MEGF8: variants seen among roughly 807,000 people sequenced by gnomAD.
MEGF8 encodes the protein multiple EGF like domains 8.
Under a neutral mutation model 302.9 loss-of-function variants are expected in MEGF8, and 156 were observed. The ratio of observed to expected loss-of-function variants is 0.52; its 90% CI spans 0.45 to 0.59. The LOEUF is 0.59. MEGF8 is among the 20% of genes least tolerant of loss of function. The probability of loss-of-function intolerance (pLI) is 0.00; values close to 1 mark genes in which losing one functional copy is unlikely to be tolerated. For missense variants in MEGF8, 3,345 were observed against 3,964.5 expected (o/e 0.84, Z 4.20); for synonymous variants, 1,621 against 1,660.5 (o/e 0.98, Z 0.58).
At position 42,354,671 on chromosome 19, in the gene MEGF8, C is replaced by T; in HGVS notation, c.4095C>T (p.Ala1365=). 1 of 1,611,688 alleles carries T rather than the reference C, an allele frequency of 6.2e-7. No individual in the cohort carries two copies. Residue 1365 remains alanine (A), a synonymous_variant, in exon 23 of 42, where the codon GCC becomes GCT. Transcript: ENST00000251268. This position sits in a 1 kb window ranked among gnomAD's most constrained non-coding sequence, Gnocchi z 4.3. ...VVQSDRSLIA[A]FCGQRRDRPL... ...AGTCGGACCGCAGCCTCATAGCTGC[C>T]TTCTGCGGCCAGCGACGGGACAGGC...
Position 42,370,749 on chromosome 19 carries a change from G to A in MEGF8, c.7054G>A (p.Val2352Met), listed in dbSNP as rs112167630. The stretch of plus-strand genomic sequence containing the variant: ...TCCTAGTGAAGACGAGGCCGTGTGC[G>A]TGAACTGCCAGAATAACAGCTATGG... ...EGPSEDEAVC[V>M]NCQNNSYGEK... Residue 2352 changes from valine (V) to methionine (M), a missense_variant, in exon 40 of 42, where the codon GTG becomes ATG. Coordinates refer to ENST00000251268, the MANE Select transcript of MEGF8 (RefSeq NM_001271938.2). 0.023 allele frequency: 36,103 copies of A among 1,581,696 alleles called. 500 individuals carry two copies. The highest frequency in any genetic ancestry group is 0.027 in the Non-Finnish European group (30,927 of 1,163,824).
Position 42,369,457 on chromosome 19 carries a change from AGTTG to A in MEGF8, c.6642-68_6642-65del, listed in dbSNP as rs1329562611. The A allele has an allele frequency of 2.1e-6, 3 of 1,443,842 alleles. No homozygotes were observed. Among genetic ancestry groups the A allele is most frequent in the Non-Finnish European group, 2.8e-6 (3 of 1,059,016 alleles). 89.4% of individuals were successfully genotyped at this position (1,443,842 alleles called of 1,614,324 possible). A position where few individuals can be genotyped will look rare whatever the true frequency, so the allele number is the denominator to read the frequency against. The stretch of plus-strand genomic sequence containing the variant: ...CAACCAGTTGAGAAGAGGGTGGGGT[AGTTG>A]GTTGGGTGCTAGGCCATGAAGCCAC... On this transcript the variant is annotated intron_variant, in intron 37 of 41. Transcript: ENST00000251268. The surrounding 1 kb of genome is among the most constrained non-coding windows in gnomAD (Gnocchi z 5.7).
rs1470564735 is a variant in MEGF8 at position 42,370,740 on chromosome 19, G to A, written c.7045G>A (p.Ala2349Thr). The A allele has an allele frequency of 1.3e-6, 2 of 1,587,438 alleles. No homozygotes were observed. The highest frequency in any genetic ancestry group is 8.6e-7 in the Non-Finnish European group (1 of 1,167,062). ...WVTEGPSEDE[A>T]VCVNCQNNSY... is the part of the protein sequence containing the mutation. ...GACAGAGGGTCCTAGTGAAGACGAG[G>A]CCGTGTGCGTGAACTGCCAGAATAA... The change falls in exon 40 of 42, where the codon GCC (alanine) becomes ACC (threonine). Residue 2349 changes from alanine to threonine, a missense_variant. Physicochemically the swap from Ala to Thr is moderately conservative, Grantham distance 58 (BLOSUM62 0). Transcript: ENST00000251268.
chr19:42,358,825 T>C lies in MEGF8; in HGVS notation c.5214T>C (p.Gly1738=). The change falls in exon 30 of 42, where the codon GGT becomes GGC. Residue 1738 remains glycine (G), a synonymous_variant. Transcript: ENST00000251268. This position sits in a 1 kb window ranked among gnomAD's most constrained non-coding sequence, Gnocchi z 4.4. ...RMRNVRGSSR[G]LGQVPGEQPG... ...GGAATGTGCGTGGCTCATCTCGGGG[T>C]CTGGGCCAAGTTCCTGGGGAGCAGC... is the stretch of plus-strand genomic sequence containing the variant. The C allele has an allele frequency of 6.3e-7, 1 of 1,589,004 alleles. No individual in the cohort carries two copies. Among genetic ancestry groups the C allele is most frequent in the Non-Finnish European group, 8.6e-7 (1 of 1,169,472 alleles).
Position 42,326,205 on chromosome 19 carries a change from G to A in MEGF8, c.-39G>A, listed in dbSNP as rs2038981202. On this transcript the variant is annotated 5_prime_UTR_variant, in exon 1 of 42. Coordinates refer to ENST00000251268, the MANE Select transcript of MEGF8 (RefSeq NM_001271938.2). Reference sequence around the variant, plus strand: ...TAGAGGGTCCTCTCCAGGTTTTTACGGCCTGTCCCCGCTCTAAGGGTCAGT... The same window carrying A: ...TAGAGGGTCCTCTCCAGGTTTTTACAGCCTGTCCCCGCTCTAAGGGTCAGT... 6.8e-7 allele frequency: 1 copy of A among 1,463,070 alleles called. No individual in the cohort carries two copies. The highest frequency in any genetic ancestry group is 2.9e-5 in the Admixed American group (1 of 34,046). 90.6% of individuals were successfully genotyped at this position (1,463,070 alleles called of 1,614,324 possible). A position where few individuals can be genotyped will look rare whatever the true frequency, so the allele number is the denominator to read the frequency against.
Position 42,352,560 on chromosome 19 carries a change from G to A in MEGF8, c.3350+104G>A. On this transcript the variant is annotated intron_variant, in intron 19 of 41. Transcript: ENST00000251268. The surrounding 1 kb of genome is among the most constrained non-coding windows in gnomAD (Gnocchi z 4.4). ...CGCTGGGTCCCCTCCTGTGGAACCAGCATCCCCAGTTAGCCAGGGGTTTTT... is the reference window on the plus strand; with the variant it reads ...CGCTGGGTCCCCTCCTGTGGAACCAACATCCCCAGTTAGCCAGGGGTTTTT... 1 of 1,406,000 alleles carries A rather than the reference G, an allele frequency of 7.1e-7. No homozygotes were observed. The allele number at this position is 1,406,000 out of a possible 1,614,324, so 87.1% of individuals were successfully genotyped here. A position where few individuals can be genotyped will look rare whatever the true frequency, so the allele number is the denominator to read the frequency against.
In MEGF8 at chr19:42,356,010, A is replaced by G. The variant is rs756018816; in HGVS notation, c.4392+5A>G. Reference sequence around the variant, plus strand: ...GGGGCAGGAACTTGTAACCAGGTACAGGTGGGAGAGGGCAAGTCTGGTGGG... The same window carrying G: ...GGGGCAGGAACTTGTAACCAGGTACGGGTGGGAGAGGGCAAGTCTGGTGGG... On this transcript the variant is annotated splice_donor_5th_base_variant and intron_variant, in intron 24 of 41. Coordinates refer to ENST00000251268, the MANE Select transcript of MEGF8 (RefSeq NM_001271938.2). This position sits in a 1 kb window ranked among gnomAD's most constrained non-coding sequence, Gnocchi z 5.2. 2 of 1,609,420 alleles carry G rather than the reference A, an allele frequency of 1.2e-6. No individual in the cohort carries two copies. The highest frequency in any genetic ancestry group is 2.2e-5 in the East Asian group (1 of 44,740).
intron 32 of MEGF8, 103 bp downstream of exon 32, chr19:42,361,109 T>A: frequency 8.0e-7 from 1 of 1,251,866 alleles, no homozygotes. Flanking sequence ...TACCGTCTGG[T>A]TCAGGAAAGG....
Position 42,344,947 on chromosome 19 carries a change from A to G in MEGF8, c.2097+114A>G, listed in dbSNP as rs1374353151. 7.9e-6 allele frequency: 9 copies of G among 1,140,080 alleles called. No individual in the cohort carries two copies. Among genetic ancestry groups the G allele is most frequent in the African/African-American group, 1.6e-5 (1 of 62,584 alleles). 70.6% of individuals were successfully genotyped at this position (1,140,080 alleles called of 1,614,324 possible). Reference sequence around the variant, plus strand: ...GTTTACTCCAAAACTCTTTACATTCAAGGGTCTTATTTTCCTTATGGACTT... The same window carrying G: ...GTTTACTCCAAAACTCTTTACATTCGAGGGTCTTATTTTCCTTATGGACTT... On this transcript the variant is annotated intron_variant, in intron 12 of 41. Transcript: ENST00000251268. The surrounding 1 kb of genome is among the most constrained non-coding windows in gnomAD (Gnocchi z 4.5).
Position 42,362,232 on chromosome 19 carries a change from A to AG in MEGF8, c.5844+22dup. 1 of 1,609,978 alleles carries AG rather than the reference A, an allele frequency of 6.2e-7. No individual in the cohort carries two copies. The highest frequency in any genetic ancestry group is 8.5e-7 in the Non-Finnish European group (1 of 1,179,270). ...TGGAGAGGTGAGTGGTGGGGAAGGCAGGGATGAGAAGCAGCAGGTGTAGGG... is the reference window on the plus strand; with the variant it reads ...TGGAGAGGTGAGTGGTGGGGAAGGCAGGGGATGAGAAGCAGCAGGTGTAGGG... On this transcript the variant is annotated intron_variant, in intron 33 of 41. Transcript: ENST00000251268.
At position 42,352,144 on chromosome 19, in the gene MEGF8, T is replaced by C; in HGVS notation, c.3102-64T>C. ...CAATTGGCCTCCTCTCTCCCTGTCA[T>C]TGTTTCTATGTATGGCTCCTGTTTC... On this transcript the variant is annotated intron_variant, in intron 18 of 41. Coordinates refer to ENST00000251268, the MANE Select transcript of MEGF8 (RefSeq NM_001271938.2). This position sits in a 1 kb window ranked among gnomAD's most constrained non-coding sequence, Gnocchi z 4.4. 6.9e-7 allele frequency: 1 copy of C among 1,454,074 alleles called. No individual in the cohort carries two copies. Among genetic ancestry groups the C allele is most frequent in the East Asian group, 2.4e-5 (1 of 40,870 alleles). The allele number at this position is 1,454,074 out of a possible 1,614,324, so 90.1% of individuals were successfully genotyped here.
At position 42,353,977 on chromosome 19, in the gene MEGF8, C is replaced by T. The variant is rs767867271; in HGVS notation, c.3964C>T (p.Pro1322Ser). Residue 1322 changes from proline to serine, a missense_variant, in exon 22 of 42, where the codon CCC becomes TCC. Coordinates refer to ENST00000251268, the MANE Select transcript of MEGF8 (RefSeq NM_001271938.2). The surrounding 1 kb of genome is among the most constrained non-coding windows in gnomAD (Gnocchi z 6.1). ...GCCCTGTGCTCCCGGGACCCTCTGT[C>T]CCCCACTCACCCTCACCTTCTCCCC... The part of the protein sequence containing the change: ...LQPCAPGTLC[P>S]PLTLTFSPDS... 39 of 1,581,638 alleles carry T rather than the reference C, an allele frequency of 2.5e-5. No homozygotes were observed. The South Asian group carries it at 3.0e-4, about 12-fold the overall frequency.
Position 42,363,088 on chromosome 19 carries a change from C to T in MEGF8, c.6099C>T (p.Asp2033=). ...RRILSVQPTY[D]WTCFSHSLLN... The stretch of plus-strand genomic sequence containing the variant: ...TCCTCTCCGTGCAGCCCACCTATGA[C>T]TGGACGTGCTTCAGCCACTCTCTGC... The change falls in exon 35 of 42, where the codon GAC becomes GAT. Residue 2033 remains aspartate, a synonymous_variant. Coordinates refer to ENST00000251268, the MANE Select transcript of MEGF8 (RefSeq NM_001271938.2). 6.2e-7 allele frequency: 1 copy of T among 1,613,430 alleles called. No homozygotes were observed. The highest frequency in any genetic ancestry group is 8.5e-7 in the Non-Finnish European group (1 of 1,179,666).
In MEGF8 at chr19:42,358,715, G is replaced by A. The variant is rs1025299010; in HGVS notation, c.5176-72G>A. ...TTTCAGTCCACACGTTTCCAAGCCC[G>A]TCTTGGAGGCAGGGGGCTAGAAGCA... On this transcript the variant is annotated intron_variant, in intron 29 of 41. Transcript: ENST00000251268. The surrounding 1 kb of genome is among the most constrained non-coding windows in gnomAD (Gnocchi z 4.4). The A allele has an allele frequency of 1.0e-5, 15 of 1,451,868 alleles. No individual in the cohort carries two copies. Among genetic ancestry groups the A allele is most frequent in the African/African-American group, 7.2e-5 (5 of 69,670 alleles). 89.9% of individuals were successfully genotyped at this position (1,451,868 alleles called of 1,614,324 possible).
chr19:42,335,013 C>G, intron 3 of MEGF8, 22 bp from the exon 4 acceptor site: 1 of 1,593,974 alleles, frequency 6.3e-7, no homozygotes, highest in African/African-American at 1.4e-5. Context: ...TTATCTCTGC[C>G]TTTATGTCTC....
rs751175990 is a variant in MEGF8 at position 42,334,910 on chromosome 19, CTCTT to C, written c.559-121_559-118del. Reference sequence around the variant, plus strand: ...TTCCATCCTCTCCCTTCCTGTCTGTCTCTTTCTCTCTCCCTTTGTGCCCTGTCTG... The same window carrying C: ...TTCCATCCTCTCCCTTCCTGTCTGTCTCTCTCTCCCTTTGTGCCCTGTCTG... On this transcript the variant is annotated intron_variant, in intron 3 of 41. Transcript: ENST00000251268. 3.3e-3 allele frequency: 3,049 copies of C among 916,672 alleles called. 12 individuals are homozygous for C. Among genetic ancestry groups the C allele is most frequent in the Non-Finnish European group, 4.4e-3 (2,735 of 628,718 alleles). 56.8% of individuals were successfully genotyped at this position (916,672 alleles called of 1,614,324 possible).
intron 3 of MEGF8, 24 bp from the exon 4 acceptor site, chr19:42,335,011 G>A: frequency 6.3e-7 from 1 of 1,591,556 alleles, no homozygotes; most frequent in Non-Finnish European, 8.5e-7. Flanking sequence ...TCTTATCTCT[G>A]CCTTTATGTC....
chr19:42,350,798 C>G (rs1385972449), intron 15 of MEGF8, among the ~76,000 whole-genome samples: 1 of 152,148 alleles, frequency 6.6e-6, no homozygotes, highest in Non-Finnish European at 1.5e-5. Flanking sequence ...CTGTCTCAAA[C>G]AGAGTGAGGC....
chr19:42,350,240 C>T lies in MEGF8; in HGVS notation c.2592C>T (p.Gly864=). ...CLGCLADQGC[G]WCLTSATCHL... ...GCTGCTTGGCAGACCAGGGCTGTGG[C>T]TGGTGCCTGACCAGTGCCACCTGCC... The change falls in exon 15 of 42, where the codon GGC becomes GGT. Residue 864 remains glycine (G), a synonymous_variant. Transcript: ENST00000251268. The T allele has an allele frequency of 6.2e-7, 1 of 1,612,920 alleles. No homozygotes were observed. Among genetic ancestry groups the T allele is most frequent in the African/African-American group, 1.3e-5 (1 of 75,080 alleles).
Sources: allele counts gnomAD v4.1 joint callset (sites outside exome capture counted in the v4.1 genomes callset), GRCh38; gene constraint gnomAD v4.1.1; non-coding constraint Gnocchi (gnomAD v3.1); transcripts MANE v1.5; gene names NCBI Gene and HGNC (gene_info 2026-07-23, HGNC 2026-07-21).